ST6GALNAC3: variants seen among roughly 807,000 people sequenced by gnomAD.
The protein encoded by ST6GALNAC3 is alpha-N-acetylgalactosaminide alpha-2,6-sialyltransferase 3.
Under a neutral mutation model 32.7 loss-of-function variants are expected in ST6GALNAC3, and 25 were observed. The ratio of observed to expected loss-of-function variants is 0.76; its 90% confidence interval spans 0.56 to 1.07. ST6GALNAC3 has a LOEUF of 1.07. ST6GALNAC3 is among the 50% of genes least tolerant of loss of function. The pLI is 0.00. For synonymous variants in ST6GALNAC3, 129 were observed against 133.1 expected (o/e 0.97, Z 0.21); for missense variants, 355 against 382.4 (o/e 0.93, Z 0.60).
At chr1:76,198,128 C>T (rs150461116) in intron 1 of ST6GALNAC3, among the ~76,000 whole-genome samples, 3,054 of 152,248 alleles carry the variant, frequency 0.02, 110 homozygotes, top group African/African-American at 0.069. Flanking sequence ...GCCTTGACTT[C>T]CCAGGCTCAA....
At chr1:76,505,404 G>A (rs1256931790) in intron 3 of ST6GALNAC3, among the ~76,000 whole-genome samples, 2 of 152,168 alleles carry the variant, frequency 1.3e-5, no homozygotes, top group Non-Finnish European at 2.9e-5. Context: ...TTACAGGCAT[G>A]AGCCACTGCG....
At chr1:76,433,223 C>T (rs2101458063) in intron 3 of ST6GALNAC3, among the ~76,000 whole-genome samples, 1 of 152,134 alleles carries the variant, frequency 6.6e-6, no homozygotes, top group Admixed American at 6.5e-5. Flanking sequence ...ACTGGTGATA[C>T]TTGTCATTCT....
At chr1:76,599,717 CGTGTGTGTGTGTGTGTGT>C (rs5775354) in intron 3 of ST6GALNAC3, among the ~76,000 whole-genome samples, 57 of 142,102 alleles carry the variant, frequency 4.0e-4, no homozygotes, top group African/African-American at 1.2e-3. Flanking sequence ...ACTACCGTAT[CGTGTGTGTGTGTGTGTGT>C]GTGTGTGTGT....
At chr1:76,160,881 A>T (rs1183716440) in intron 1 of ST6GALNAC3, among the ~76,000 whole-genome samples, 2 of 109,860 alleles carry the variant, frequency 1.8e-5, no homozygotes, top group Admixed American at 2.3e-4. Flanking sequence ...TACTTGCTCT[A>T]TACTTCAAAT....
Position 76,140,775 on chromosome 1 carries a change from C to A in ST6GALNAC3, c.18+65891C>A, listed in dbSNP as rs1034068162. Among the ~76,000 whole-genome samples the A allele has an allele frequency of 1.2e-4, 18 of 150,032 alleles. 1 individual carries two copies. The highest frequency in any genetic ancestry group is 4.2e-4 in the African/African-American group (17 of 40,852). ...GGACTACAGGCATGTACCACCATGC[C>A]CAGCTAAATTTTAATTTTCTAATTT... On this transcript the variant is annotated intron_variant, in intron 1 of 4. Transcript: ENST00000328299.
intron 3 of ST6GALNAC3, among the ~76,000 whole-genome samples, chr1:76,597,634 A>G (rs1353708882): frequency 3.3e-5 from 5 of 152,156 alleles, no homozygotes; most frequent in South Asian, 4.1e-4. Context: ...AAAGTCAATG[A>G]TAGTCAAAGA....
intron 1 of ST6GALNAC3, among the ~76,000 whole-genome samples, chr1:76,282,858 A>T (rs1179024198): frequency 3.3e-5 from 4 of 121,978 alleles, no homozygotes; most frequent in African/African-American, 1.3e-4. Context: ...GTGACATCCC[A>T]TCTCTACTAA....
chr1:76,524,500 T>C lies in ST6GALNAC3; in HGVS notation c.624-102952T>C, dbSNP rs1468541966. On this transcript the variant is annotated intron_variant, in intron 3 of 4. Coordinates refer to ENST00000328299, the MANE Select transcript of ST6GALNAC3 (RefSeq NM_152996.4). ...ATACATTTCTTAAAGGTAAAGACTT[T>C]ATGTTATTCATATTCATGCTTACCA... is the stretch of plus-strand genomic sequence containing the variant. 2.0e-5 allele frequency among the ~76,000 whole-genome samples: 3 copies of C among 152,180 alleles called. No homozygotes were observed. In the East Asian group the frequency reaches 5.8e-4, roughly 29 times the overall value.
At chr1:76,236,146 CCA>C (rs1656645633) in intron 1 of ST6GALNAC3, among the ~76,000 whole-genome samples, 5 of 152,062 alleles carry the variant, frequency 3.3e-5, no homozygotes, top group African/African-American at 1.2e-4. Context: ...CAGGGTTTCG[CCA>C]TGTTGGCCAG....
At chr1:76,173,584 C>A (rs1174576168) in intron 1 of ST6GALNAC3, among the ~76,000 whole-genome samples, 1 of 152,014 alleles carries the variant, frequency 6.6e-6, no homozygotes, top group Non-Finnish European at 1.5e-5. Flanking sequence ...GCAGTTTACC[C>A]ATCTGACAAA....
chr1:76,113,570 A>G (rs1359822754), intron 1 of ST6GALNAC3, among the ~76,000 whole-genome samples: 1 of 149,336 alleles, frequency 6.7e-6, no homozygotes, highest in Non-Finnish European at 1.5e-5. Context: ...GAATGTTCTT[A>G]TGTACTGTTG....
In ST6GALNAC3 at chr1:76,634,323, C is replaced by T. The variant is rs893533579; in HGVS notation, c.*5517C>T. 17 of 209,832 alleles carry T rather than the reference C, an allele frequency of 8.1e-5. No individual in the cohort carries two copies. Among genetic ancestry groups the T allele is most frequent in the Admixed American group, 7.8e-4 (12 of 15,360 alleles). The allele number at this position is 209,832 out of a possible 1,614,324, so 13.0% of individuals were successfully genotyped here. ...ATTTTATAGCTTTTTGTTACCTAAT[C>T]TACAAAGTACTAATTTCCTTGTGTT... On this transcript the variant is annotated 3_prime_UTR_variant, in exon 5 of 5. Transcript: ENST00000328299.
chr1:76,594,122 G>A (rs182958806), intron 3 of ST6GALNAC3, among the ~76,000 whole-genome samples: 16 of 152,168 alleles, frequency 1.1e-4, no homozygotes, highest in Middle Eastern at 6.8e-3. Flanking sequence ...CTGAAATCCA[G>A]TCATATGACT....
chr1:76,545,851 G>T (rs945895960), intron 3 of ST6GALNAC3, among the ~76,000 whole-genome samples: 9 of 152,108 alleles, frequency 5.9e-5, no homozygotes, highest in South Asian at 2.1e-4. Flanking sequence ...TAGAGACAGG[G>T]TTTCTCCATG....
Position 76,437,401 on chromosome 1 carries a change from A to G in ST6GALNAC3, c.623+24984A>G, listed in dbSNP as rs114988302. On this transcript the variant is annotated intron_variant, in intron 3 of 4. Transcript: ENST00000328299. ...TCATTGCCTCTCAGCAGCCCTGTTC[A>G]GTAAGATTTTCAGTGTCTGATTGTT... is the stretch of plus-strand genomic sequence containing the variant. 4.5e-3 allele frequency among the ~76,000 whole-genome samples: 685 copies of G among 152,150 alleles called. 6 individuals are homozygous for G. Among genetic ancestry groups the G allele is most frequent in the African/African-American group, 0.016 (660 of 41,546 alleles).
chr1:76,568,735 G>A (rs1665696544), intron 3 of ST6GALNAC3, among the ~76,000 whole-genome samples: 1 of 152,220 alleles, frequency 6.6e-6, no homozygotes. Context: ...GCATTAATGA[G>A]CTGTGGCCTC....
chr1:76,349,696 T>G (rs1047238449), intron 2 of ST6GALNAC3, among the ~76,000 whole-genome samples: 10 of 152,312 alleles, frequency 6.6e-5, no homozygotes, highest in South Asian at 2.1e-4. Flanking sequence ...CAGACATTAT[T>G]TATTGACTCC....
intron 1 of ST6GALNAC3, among the ~76,000 whole-genome samples, chr1:76,112,354 G>A (rs1426576139): frequency 6.9e-6 from 1 of 144,894 alleles, no homozygotes; most frequent in Non-Finnish European, 1.5e-5. Context: ...GGACGGGGCG[G>A]CTGGCCGGGC....
Position 76,629,306 on chromosome 1 carries a change from CTAAGGAT to C in ST6GALNAC3, c.*501_*507del, listed in dbSNP as rs1649173472. The stretch of plus-strand genomic sequence containing the variant: ...GGGTGCAAGTATCTTACTACTTAGC[CTAAGGAT>C]GGGAAAATATCTCTTCCTAATATAC... On this transcript the variant is annotated 3_prime_UTR_variant, in exon 5 of 5. Transcript: ENST00000328299. The C allele has an allele frequency of 1.0e-6, 1 of 986,244 alleles. No individual in the cohort carries two copies. Among genetic ancestry groups the C allele is most frequent in the African/African-American group, 1.7e-5 (1 of 57,170 alleles). 61.1% of individuals were successfully genotyped at this position (986,244 alleles called of 1,614,324 possible).
Sources: allele counts gnomAD v4.1 joint callset (sites outside exome capture counted in the v4.1 genomes callset), GRCh38; gene constraint gnomAD v4.1.1; transcripts MANE v1.5; gene names NCBI Gene and HGNC (gene_info 2026-07-23, HGNC 2026-07-21).